The following MYRFL variants were observed in gnomAD, a reference collection of about 807,000 sequenced individuals.
MYRFL encodes myelin regulatory factor like, also known as myelin regulatory factor-like protein.
Under a neutral mutation model 109.4 loss-of-function variants are expected in MYRFL, and 88 were observed. The observed-to-expected ratio is 0.80, with a 90% CI of 0.68 to 0.96. The LOEUF (loss-of-function observed/expected upper bound fraction) is 0.96, where lower values mean the gene tolerates loss of function less well. MYRFL is among the 40% of genes least tolerant of loss of function. The probability of loss-of-function intolerance (pLI) is 0.00; values close to 1 mark genes in which losing one functional copy is unlikely to be tolerated. For synonymous variants in MYRFL, 324 were observed against 320.9 expected (o/e 1.01, Z -0.10); for missense variants, 957 against 954.9 (o/e 1.00, Z -0.03).
intron 5 of MYRFL, among the ~76,000 whole-genome samples, chr12:69,882,046 T>C (rs992646825): frequency 2.6e-5 from 4 of 152,178 alleles, no homozygotes; most frequent in African/African-American, 9.7e-5. Flanking sequence ...CTGCTCAAAT[T>C]GTCCTGGCCA....
chr12:69,828,742 A>G lies in MYRFL; in HGVS notation c.46+3179A>G, dbSNP rs1882439451. On this transcript the variant is annotated intron_variant, in intron 1 of 24. Coordinates refer to ENST00000552032, the MANE Select transcript of MYRFL (RefSeq NM_182530.3). ...GAAAAGGAATTAAAAGATGAAGTAC[A>G]GTAAATCCCATTCCTCACTTTACTT... Among the ~76,000 whole-genome samples the G allele has an allele frequency of 2.0e-5, 3 of 152,146 alleles. No individual in the cohort carries two copies. The South Asian group carries it at 6.2e-4, about 32-fold the overall frequency.
intron 1 of MYRFL, among the ~76,000 whole-genome samples, chr12:69,833,828 CTT>C (rs11300053): frequency 1.5e-3 from 170 of 113,876 alleles, no homozygotes; most frequent in Middle Eastern, 0.01. Flanking sequence ...ATAGGGCTTG[CTT>C]TTTTTTTTTT....
intron 22 of MYRFL, among the ~76,000 whole-genome samples, chr12:69,956,102 C>T (rs899514213): frequency 6.6e-6 from 1 of 151,904 alleles, no homozygotes; most frequent in Admixed American, 6.6e-5. Flanking sequence ...TCATAAAATC[C>T]TCACAGCAAC....
At chr12:69,850,547 A>T (rs1421753734) in intron 1 of MYRFL, among the ~76,000 whole-genome samples, 1 of 152,146 alleles carries the variant, frequency 6.6e-6, no homozygotes, top group Non-Finnish European at 1.5e-5. Flanking sequence ...AAAGTTGAAG[A>T]AGTTTTTTTA....
chr12:69,835,865 A>G (rs1180412628), intron 1 of MYRFL, among the ~76,000 whole-genome samples: 1 of 152,174 alleles, frequency 6.6e-6, no homozygotes, highest in Non-Finnish European at 1.5e-5. Context: ...CTAGAGGTGA[A>G]TGCTTACAGC....
chr12:69,935,509 G>C (rs1238671523), intron 16 of MYRFL, among the ~76,000 whole-genome samples: 1 of 152,200 alleles, frequency 6.6e-6, no homozygotes, highest in Admixed American at 6.5e-5. Context: ...TCCAGTGATG[G>C]GGGAGAAGAC....
At position 69,956,627 on chromosome 12, in the gene MYRFL, GCT is replaced by G. The variant is rs768657805; in HGVS notation, c.2451-1192_2451-1191del. Among the ~76,000 whole-genome samples the G allele has an allele frequency of 7.8e-4, 117 of 150,900 alleles. 2 individuals are homozygous for G. Among genetic ancestry groups the G allele is most frequent in the Non-Finnish European group, 4.6e-4 (31 of 67,834 alleles). On this transcript the variant is annotated intron_variant, in intron 22 of 24. Coordinates refer to ENST00000552032, the MANE Select transcript of MYRFL (RefSeq NM_182530.3). The stretch of plus-strand genomic sequence containing the variant: ...TCCCCTCTCTCCCTCTGCTTGCCCA[GCT>G]CTGTTTTCCTCCTCCATCCTTCACC...
chr12:69,872,073 T>TTCAATAA (rs1565984728), intron 2 of MYRFL, among the ~76,000 whole-genome samples: 2 of 152,134 alleles, frequency 1.3e-5, no homozygotes, highest in Non-Finnish European at 2.9e-5. Flanking sequence ...ACTCTGTTAT[T>TTCAATAA]AAGTACATAA....
intron 2 of MYRFL, among the ~76,000 whole-genome samples, chr12:69,876,092 C>G (rs1372050527): frequency 6.6e-6 from 1 of 152,138 alleles, no homozygotes; most frequent in Non-Finnish European, 1.5e-5. Flanking sequence ...CACACAGAAT[C>G]CAGGGGTCCC....
intron 1 of MYRFL, among the ~76,000 whole-genome samples, chr12:69,842,649 G>A (rs957835649): frequency 6.6e-6 from 1 of 152,178 alleles, no homozygotes; most frequent in African/African-American, 2.4e-5. Flanking sequence ...CCTGGCTGTG[G>A]TCAGACTATG....
chr12:69,882,433 G>A (rs1275556777), intron 5 of MYRFL, among the ~76,000 whole-genome samples: 1 of 152,162 alleles, frequency 6.6e-6, no homozygotes, highest in African/African-American at 2.4e-5. Flanking sequence ...TGTTGCAGGG[G>A]CCAACATTTC....
At chr12:69,937,312 ATAG>A (rs1955501733) in intron 19 of MYRFL, among the ~76,000 whole-genome samples, 1 of 152,062 alleles carries the variant, frequency 6.6e-6, no homozygotes, top group South Asian at 2.1e-4. Flanking sequence ...ATATTAATAA[ATAG>A]TAATATTAAT....
At chr12:69,848,856 G>T (rs1883715400) in intron 1 of MYRFL, among the ~76,000 whole-genome samples, 1 of 151,964 alleles carries the variant, frequency 6.6e-6, no homozygotes, top group South Asian at 2.1e-4. Context: ...CATGACACTG[G>T]CTCTTATTTG....
At chr12:69,892,495 C>G (rs968901826) in intron 7 of MYRFL, among the ~76,000 whole-genome samples, 1 of 152,084 alleles carries the variant, frequency 6.6e-6, no homozygotes, top group African/African-American at 2.4e-5. Context: ...ACTACAGCCT[C>G]AACTTCCTGG....
intron 1 of MYRFL, among the ~76,000 whole-genome samples, chr12:69,834,930 A>C (rs1882845958): frequency 6.6e-6 from 1 of 152,198 alleles, no homozygotes; most frequent in Non-Finnish European, 1.5e-5. Flanking sequence ...TCCAAGATTT[A>C]GTTGGCATTC....
At position 69,910,811 on chromosome 12, in the gene MYRFL, T is replaced by G. The variant is rs946338500; in HGVS notation, c.1493-10T>G. 1 of 1,524,430 alleles carries G rather than the reference T, an allele frequency of 6.6e-7. No homozygotes were observed. Among genetic ancestry groups the G allele is most frequent in the East Asian group, 2.5e-5 (1 of 40,762 alleles). 94.4% of individuals were successfully genotyped at this position (1,524,430 alleles called of 1,614,324 possible). ...TTGAAGATTAAACCTGTGGAGTGTT[T>G]TGTATACAGGAATGATTGCCCAGGA... On this transcript the variant is annotated splice_polypyrimidine_tract_variant and intron_variant, in intron 12 of 24. Transcript: ENST00000552032.
chr12:69,894,862 A>G (rs1203600043), intron 8 of MYRFL, among the ~76,000 whole-genome samples: 4 of 152,214 alleles, frequency 2.6e-5, no homozygotes, highest in Non-Finnish European at 5.9e-5. Flanking sequence ...CAAACACCGC[A>G]CTAAATGTGC....
At chr12:69,903,941 T>A in intron 11 of MYRFL, 97 bp downstream of exon 11, 1 of 1,105,826 alleles carries the variant, frequency 9.0e-7, no homozygotes, top group Non-Finnish European at 1.2e-6. Context: ...CGCACATCTT[T>A]ACATGTCACC....
At chr12:69,845,694 A>G (rs1180045776) in intron 1 of MYRFL, among the ~76,000 whole-genome samples, 1 of 152,030 alleles carries the variant, frequency 6.6e-6, no homozygotes, top group African/African-American at 2.4e-5. Context: ...GAAAAAACCC[A>G]CAAAATTTAT....
Sources: allele counts gnomAD v4.1 joint callset (sites outside exome capture counted in the v4.1 genomes callset), GRCh38; gene constraint gnomAD v4.1.1; transcripts MANE v1.5; gene names NCBI Gene and HGNC (gene_info 2026-07-23, HGNC 2026-07-21).